The following CYYR1 variants were observed in gnomAD, a reference collection of about 807,000 sequenced individuals.
CYYR1 encodes cysteine and tyrosine rich 1.
CYYR1 carries 14 observed loss-of-function variants against 15.2 expected under a neutral mutation model. The ratio of observed to expected loss-of-function variants is 0.92; its 90% CI spans 0.61 to 1.44. The LOEUF (loss-of-function observed/expected upper bound fraction) is 1.44, where lower values mean the gene tolerates loss of function less well. Among genes scored for constraint, CYYR1 ranks in the 40% most tolerant of loss-of-function variants. CYYR1 has a pLI of 0.00. For synonymous variants in CYYR1, 80 were observed against 77.4 expected (o/e 1.03, Z -0.18); for missense variants, 228 against 209.5 (o/e 1.09, Z -0.54).
chr21:26,553,960 C>T (rs1464034038), intron 2 of CYYR1, among the ~76,000 whole-genome samples: 1 of 152,218 alleles, frequency 6.6e-6, no homozygotes, highest in Non-Finnish European at 1.5e-5. Context: ...GGCATGCCAT[C>T]TGGCATTTAT....
intron 2 of CYYR1, among the ~76,000 whole-genome samples, chr21:26,497,762 T>G (rs750368218): frequency 1.3e-5 from 2 of 152,192 alleles, no homozygotes; most frequent in Non-Finnish European, 2.9e-5. Context: ...AATTAATTTT[T>G]GGGGGACCAA....
chr21:26,481,821 T>C (rs1158254843), intron 2 of CYYR1, among the ~76,000 whole-genome samples: 2 of 151,992 alleles, frequency 1.3e-5, no homozygotes, highest in South Asian at 2.1e-4. Flanking sequence ...TTAGTATTGA[T>C]AGTAATTAGT....
intron 1 of CYYR1, 73 bp downstream of exon 1, chr21:26,572,795 C>T: frequency 1.3e-6 from 2 of 1,569,620 alleles, no homozygotes; most frequent in South Asian, 2.3e-5. Flanking sequence ...CCAGCTCAAC[C>T]CACGTTAGCC....
intron 2 of CYYR1, among the ~76,000 whole-genome samples, chr21:26,496,115 C>A (rs2065399573): frequency 6.6e-6 from 1 of 152,144 alleles, no homozygotes; most frequent in Non-Finnish European, 1.5e-5. Context: ...TAAGTCAAAT[C>A]GGTTAAATCA....
chr21:26,530,875 A>T (rs1484382963), intron 2 of CYYR1, among the ~76,000 whole-genome samples: 1 of 152,106 alleles, frequency 6.6e-6, no homozygotes, highest in Non-Finnish European at 1.5e-5. Context: ...AAATTCATTG[A>T]CAAGTTTGCC....
intron 2 of CYYR1, among the ~76,000 whole-genome samples, chr21:26,494,278 C>T (rs754837605): frequency 2.0e-5 from 3 of 152,076 alleles, no homozygotes; most frequent in Non-Finnish European, 4.4e-5. Flanking sequence ...TAATTACAGT[C>T]CAACAAGAAC....
chr21:26,535,561 T>G (rs921434034), intron 2 of CYYR1, among the ~76,000 whole-genome samples: 1 of 152,236 alleles, frequency 6.6e-6, no homozygotes, highest in African/African-American at 2.4e-5. Flanking sequence ...AAATTTTTAT[T>G]AATACCTAGC....
At chr21:26,543,374 T>C (rs1034318484) in intron 2 of CYYR1, among the ~76,000 whole-genome samples, 15 of 152,130 alleles carry the variant, frequency 9.9e-5, no homozygotes, top group Admixed American at 2.0e-4. Context: ...TTCAATTCAA[T>C]GTAGAAAGAG....
At chr21:26,518,087 A>T (rs1355536708) in intron 2 of CYYR1, among the ~76,000 whole-genome samples, 1 of 152,160 alleles carries the variant, frequency 6.6e-6, no homozygotes, top group Non-Finnish European at 1.5e-5. Context: ...TTAAGAAAGG[A>T]GTGATTTCAA....
chr21:26,562,727 A>AACACACACAC (rs58990363), intron 2 of CYYR1, among the ~76,000 whole-genome samples: 18 of 131,706 alleles, frequency 1.4e-4, no homozygotes, highest in African/African-American at 4.6e-4. Flanking sequence ...TCTCCTCCTA[A>AACACACACAC]ACACACACAC....
Position 26,542,290 on chromosome 21 carries a change from C to CGTGTGTGTGTGTGTGT in CYYR1, c.176+23960_176+23975dup, listed in dbSNP as rs55725152. ...GAGAGAGAGAATATGTGTGTGTGTG[C>CGTGTGTGTGTGTGTGT]GTGTGTGTGTGTGTGTGTGTGTGTG... On this transcript the variant is annotated intron_variant, in intron 2 of 3. Coordinates refer to ENST00000652641, the MANE Select transcript of CYYR1 (RefSeq NM_001320768.2). Among the ~76,000 whole-genome samples, 3 of 128,162 alleles carry CGTGTGTGTGTGTGTGT rather than the reference C, an allele frequency of 2.3e-5. 1 individual carries two copies. Among genetic ancestry groups the CGTGTGTGTGTGTGTGT allele is most frequent in the East Asian group, 2.4e-4 (1 of 4,114 alleles). The allele number at this position is 128,162 out of a possible 152,430, so 84.1% of individuals were successfully genotyped here.
intron 2 of CYYR1, among the ~76,000 whole-genome samples, chr21:26,544,059 A>G (rs56270247): frequency 0.053 from 8,141 of 152,272 alleles, 314 homozygotes; most frequent in East Asian, 0.099. Context: ...ATTAGAAGAC[A>G]ACTTGTTGTC....
At chr21:26,482,307 T>C (rs2065192366) in intron 2 of CYYR1, 7 of 981,394 alleles carry the variant, frequency 7.1e-6, no homozygotes, top group African/African-American at 1.7e-5. Context: ...TATTTTTCCA[T>C]ATACATATTG....
intron 2 of CYYR1, among the ~76,000 whole-genome samples, chr21:26,512,133 A>G (rs1016148811): frequency 5.3e-5 from 8 of 152,134 alleles, no homozygotes; most frequent in Middle Eastern, 3.2e-3. Context: ...AACAGCATCA[A>G]TGGATTTCCA....
intron 2 of CYYR1, among the ~76,000 whole-genome samples, chr21:26,511,178 A>G (rs1324122051): frequency 1.3e-5 from 2 of 152,226 alleles, no homozygotes; most frequent in South Asian, 2.1e-4. Flanking sequence ...TTGCCTCAGT[A>G]GACACTTCAC....
At position 26,572,000 on chromosome 21, in the gene CYYR1, T is replaced by C. The variant is rs1601845939; in HGVS notation, c.73+868A>G. On this transcript the variant is annotated intron_variant, in intron 1 of 3. Coordinates refer to ENST00000652641, the MANE Select transcript of CYYR1 (RefSeq NM_001320768.2). ...GCAACACTGAAGAACATCATTTCAGTTGCAATATCTTTTTGAGTATCAAAG... is the reference window on the plus strand; with the variant it reads ...GCAACACTGAAGAACATCATTTCAGCTGCAATATCTTTTTGAGTATCAAAG... Among the ~76,000 whole-genome samples the C allele has an allele frequency of 2.6e-5, 4 of 152,352 alleles. No homozygotes were observed. The South Asian group carries it at 8.3e-4, about 32-fold the overall frequency.
At chr21:26,558,344 G>T (rs1979949414) in intron 2 of CYYR1, among the ~76,000 whole-genome samples, 1 of 152,040 alleles carries the variant, frequency 6.6e-6, no homozygotes, top group African/African-American at 2.4e-5. Flanking sequence ...ACTTTCTTGA[G>T]ATATTTAATT....
At chr21:26,538,021 T>C (rs1038986969) in intron 2 of CYYR1, among the ~76,000 whole-genome samples, 1 of 152,192 alleles carries the variant, frequency 6.6e-6, no homozygotes, top group South Asian at 2.1e-4. Flanking sequence ...TGTTTTATGA[T>C]AGCAGCCTGA....
At chr21:26,528,841 T>C (rs2065896652) in intron 2 of CYYR1, among the ~76,000 whole-genome samples, 1 of 152,214 alleles carries the variant, frequency 6.6e-6, no homozygotes, top group Admixed American at 6.5e-5. Context: ...TGATTATATG[T>C]GGCCATCAGA....
Sources: gnomAD v4.1 joint callset for allele counts (sites outside exome capture counted in the v4.1 genomes callset) on GRCh38, gnomAD v4.1.1 for gene constraint, MANE v1.5 for transcripts, NCBI Gene and HGNC (gene_info 2026-07-23, HGNC 2026-07-21) for gene names.